The following HLA-DQA1 variants were observed in gnomAD, a reference collection of about 807,000 sequenced individuals.
The protein encoded by HLA-DQA1 is HLA class II histocompatibility antigen, DQ alpha 1 chain.
A neutral mutation model predicts 20.7 loss-of-function variants in HLA-DQA1; 10 were observed. That is an observed-to-expected ratio of 0.48 (90% CI 0.30 to 0.82). HLA-DQA1 has a LOEUF of 0.82. HLA-DQA1 is among the 40% of genes least tolerant of loss of function. HLA-DQA1 has a pLI of 0.07. For synonymous variants in HLA-DQA1, 39 were observed against 109.2 expected (o/e 0.36, Z 4.01); for missense variants, 127 against 293.0 (o/e 0.43, Z 4.14).
the HLA-DQA1 span, among the ~76,000 whole-genome samples, chr6:32,652,862 T>C: frequency 2.1e-5 from 3 of 141,696 alleles, no homozygotes; most frequent in African/African-American, 7.7e-5. Context: ...GCTCATGAAT[T>C]AAAGCAGGGT....
the HLA-DQA1 span, among the ~76,000 whole-genome samples, chr6:32,653,421 A>G: frequency 0.035 from 3,247 of 93,576 alleles, 1,170 homozygotes; most frequent in East Asian, 0.19. Flanking sequence ...GTGCCACCAC[A>G]CCCAGCTAAT....
At chr6:32,653,528 T>C in the HLA-DQA1 span, among the ~76,000 whole-genome samples, 3 of 96,822 alleles carry the variant, frequency 3.1e-5, 1 homozygote, top group Non-Finnish European at 6.9e-5. Context: ...TCCCACGTGC[T>C]GGGATTACAG....
chr6:32,638,205 T>TTA (rs9282003), intron 1 of HLA-DQA1, among the ~76,000 whole-genome samples: 1,107 of 93,014 alleles, frequency 0.012, 5 homozygotes, highest in Middle Eastern at 0.036. Flanking sequence ...AATGTCAATT[T>TTA]TTTTTACATA....
chr6:32,637,630 G>C, intron 1 of HLA-DQA1, 90 bp downstream of exon 1: 1 of 603,620 alleles, frequency 1.7e-6, no homozygotes, highest in East Asian at 3.9e-5. Context: ...AAACTGTAGA[G>C]ATTTCCTAAG....
At chr6:32,644,866 G>C (rs9273111), downstream of HLA-DQA1, 1 of 109,552 alleles carries the variant, frequency 9.1e-6, no homozygotes, top group Non-Finnish European at 2.1e-5. Context: ...GTTTATTCAA[G>C]GTATATCATA....
At chr6:32,653,849 A>ACATGGAG in the HLA-DQA1 span, among the ~76,000 whole-genome samples, 1 of 75,110 alleles carries the variant, frequency 1.3e-5, no homozygotes, top group African/African-American at 4.5e-5. Flanking sequence ...ATTATGTTAA[A>ACATGGAG]GAACCTGGGG....
chr6:32,641,830 G>A (rs28383461), intron 2 of HLA-DQA1, 142 bp from the exon 3 acceptor site: 121,001 of 579,036 alleles, frequency 0.21, 25,658 homozygotes, highest in South Asian at 0.38. Flanking sequence ...GCAATGTGTC[G>A]TTGCTCCCAA....
chr6:32,641,594 T>C (rs4467816), intron 2 of HLA-DQA1, 36 bp downstream of exon 2: 579,256 of 927,408 alleles, frequency 0.62, 258,489 homozygotes, highest in South Asian at 0.82. Context: ...TTTACTTAAG[T>C]TATCCCTCCA....
At position 32,641,018 on chromosome 6, in the gene HLA-DQA1, A is replaced by G. The variant is rs1019173619; in HGVS notation, c.83-292A>G. On this transcript the variant is annotated intron_variant, in intron 1 of 4. Coordinates refer to ENST00000343139, the MANE Select transcript of HLA-DQA1 (RefSeq NM_002122.5). Reference sequence around the variant, plus strand: ...CATTCATTCCTTCTTTTGTTCAATTACATTATTTAATCATAAGTCCATGAC... The same window carrying G: ...CATTCATTCCTTCTTTTGTTCAATTGCATTATTTAATCATAAGTCCATGAC... Among the ~76,000 whole-genome samples the G allele has an allele frequency of 3.6e-5, 4 of 111,068 alleles. 1 individual carries two copies. Among genetic ancestry groups the G allele is most frequent in the African/African-American group, 1.3e-4 (4 of 31,692 alleles). The allele number at this position is 111,068 out of a possible 152,430, so 72.9% of individuals were successfully genotyped here.
rs774934402 is a variant in HLA-DQA1, at chr6:32,642,369, GTC to G, written c.613+122_613+123del. On this transcript the variant is annotated intron_variant, in intron 3 of 4. Coordinates refer to ENST00000343139, the MANE Select transcript of HLA-DQA1 (RefSeq NM_002122.5). ...TCCACACTTCATGGGTTTCTTTTCT[GTC>G]TCTCTTTTTTTTTTGAAAGAATAAA... The G allele has an allele frequency of 3.5e-6, 2 of 570,094 alleles. 1 individual carries two copies. The allele number at this position is 570,094 out of a possible 1,614,324, so 35.3% of individuals were successfully genotyped here.
chr6:32,648,487 C>T (rs1396874457), downstream of HLA-DQA1, among the ~76,000 whole-genome samples: 1 of 97,198 alleles, frequency 1.0e-5, no homozygotes, highest in Non-Finnish European at 2.3e-5. Flanking sequence ...ATACGCAAAT[C>T]AATAAATGTA....
At chr6:32,653,827 A>C in the HLA-DQA1 span, among the ~76,000 whole-genome samples, 1 of 92,758 alleles carries the variant, frequency 1.1e-5, no homozygotes, top group African/African-American at 3.7e-5. Context: ...AAAGAAGGAA[A>C]TCTTTTACAT....
At chr6:32,641,889 T>A in intron 2 of HLA-DQA1, 83 bp from the exon 3 acceptor site, 1 of 872,200 alleles carries the variant, frequency 1.1e-6, no homozygotes. Context: ...GAAATGCTGG[T>A]AGGAGGGCTC....
chr6:32,639,670 G>C lies in HLA-DQA1; in HGVS notation c.83-1640G>C, dbSNP rs1303239920. Reference sequence around the variant, plus strand: ...CAGAAGGCCATTGCTGAGCAGGGCAGTGGACCCAGCAGAGGCTGAAACAAT... The same window carrying C: ...CAGAAGGCCATTGCTGAGCAGGGCACTGGACCCAGCAGAGGCTGAAACAAT... On this transcript the variant is annotated intron_variant, in intron 1 of 4. Coordinates refer to ENST00000343139, the MANE Select transcript of HLA-DQA1 (RefSeq NM_002122.5). 2 of 98,122 alleles carry C rather than the reference G, an allele frequency of 2.0e-5. 1 individual carries two copies. The highest frequency in any genetic ancestry group is 4.6e-5 in the Non-Finnish European group (2 of 43,862). The allele number at this position is 98,122 out of a possible 1,614,324, so 6.1% of individuals were successfully genotyped here.
chr6:32,641,044 A>G (rs4286817), intron 1 of HLA-DQA1, among the ~76,000 whole-genome samples: 67,965 of 92,762 alleles, frequency 0.73, 28,992 homozygotes, highest in Admixed American at 0.8. Context: ...AGTCCATGAC[A>G]TGCCAGGCAC....
chr6:32,643,960 T>C (rs9273022), downstream of HLA-DQA1: 40,078 of 146,638 alleles, frequency 0.27, 6,710 homozygotes, highest in East Asian at 0.35. Context: ...TAGATAACCA[T>C]GTAGCTTTCC....
chr6:32,650,248 G>A (rs79022332), downstream of HLA-DQA1, among the ~76,000 whole-genome samples: 32,532 of 96,030 alleles, frequency 0.34, 13,081 homozygotes, highest in Middle Eastern at 0.39. Flanking sequence ...CACTGTTGGT[G>A]GGAGTGTAAA....
chr6:32,644,836 C>T (rs1363764014), downstream of HLA-DQA1: 1 of 134,274 alleles, frequency 7.4e-6, no homozygotes, highest in Non-Finnish European at 1.7e-5. Context: ...GAATATATTC[C>T]CTCCTTATGG....
At chr6:32,648,721 C>T (rs1480804895), downstream of HLA-DQA1, among the ~76,000 whole-genome samples, 1 of 97,120 alleles carries the variant, frequency 1.0e-5, no homozygotes, top group Non-Finnish European at 2.3e-5. Flanking sequence ...AAAACCAGCA[C>T]GAGACAAGGA....
Sources: gnomAD v4.1 joint callset for allele counts (sites outside exome capture counted in the v4.1 genomes callset) on GRCh38, gnomAD v4.1.1 for gene constraint, MANE v1.5 for transcripts, NCBI Gene and HGNC (gene_info 2026-07-23, HGNC 2026-07-21) for gene names.